ETV7: variants seen among roughly 807,000 people sequenced by gnomAD.
The protein encoded by ETV7 is ETS variant transcription factor 7.
ETV7 carries 43 observed loss-of-function variants against 39.1 expected under a neutral mutation model. The ratio of observed to expected loss-of-function variants is 1.10; its 90% CI spans 0.86 to 1.42. The LOEUF (loss-of-function observed/expected upper bound fraction) is 1.42. Ranked by LOEUF, ETV7 falls within the 40% of genes most tolerant of loss-of-function variation. The pLI is 0.00. For synonymous variants in ETV7, 196 were observed against 176.6 expected, an observed-to-expected ratio of 1.11 and a Z score of -0.87; for missense variants, 432 against 442.3, an observed-to-expected ratio of 0.98 and a Z score of 0.21.
intron 2 of ETV7, 66 bp downstream of exon 2, chr6:36,385,468 C>T: frequency 6.2e-7 from 1 of 1,600,414 alleles, no homozygotes; most frequent in East Asian, 2.2e-5. Flanking sequence ...AGAGCAAGAC[C>T]CTGGATCTAA....
At chr6:36,382,005 T>G (rs995953433) in intron 2 of ETV7, among the ~76,000 whole-genome samples, 3 of 152,200 alleles carry the variant, frequency 2.0e-5, no homozygotes, top group African/African-American at 7.2e-5. Context: ...TGCCAGGTGA[T>G]GTCACTGTCA....
chr6:36,372,771 G>A (rs1203258401), intron 4 of ETV7, among the ~76,000 whole-genome samples: 1 of 143,906 alleles, frequency 6.9e-6, no homozygotes, highest in African/African-American at 2.6e-5. Context: ...CCTACTAGAT[G>A]CCCCAGTGGA....
At chr6:36,378,739 G>C (rs971366857) in intron 2 of ETV7, among the ~76,000 whole-genome samples, 6 of 152,162 alleles carry the variant, frequency 3.9e-5, no homozygotes, top group Non-Finnish European at 8.8e-5. Context: ...GTGTGTTGCA[G>C]GATGTTTAGG....
chr6:36,374,680 C>T (rs1773219132), intron 3 of ETV7, among the ~76,000 whole-genome samples: 3 of 152,208 alleles, frequency 2.0e-5, no homozygotes, highest in Admixed American at 2.0e-4. Flanking sequence ...CTGCCCTCCC[C>T]TCACCTCCCA....
At chr6:36,383,593 G>A (rs1274725446) in intron 2 of ETV7, among the ~76,000 whole-genome samples, 1 of 152,200 alleles carries the variant, frequency 6.6e-6, no homozygotes, top group Non-Finnish European at 1.5e-5. Flanking sequence ...AGAGAGATGG[G>A]CAGAGATGGA....
chr6:36,373,144 A>G (rs1388209426), intron 4 of ETV7, among the ~76,000 whole-genome samples: 2 of 152,062 alleles, frequency 1.3e-5, no homozygotes, highest in Non-Finnish European at 2.9e-5. Flanking sequence ...TGGAATGGAC[A>G]TCCTTATTTT....
intron 3 of ETV7, 45 bp from the exon 4 acceptor site, chr6:36,373,623 TG>T: frequency 1.3e-6 from 2 of 1,502,550 alleles, no homozygotes; most frequent in Non-Finnish European, 8.9e-7. Flanking sequence ...ACAGGCCACG[TG>T]GGGAGGGCCA....
Position 36,366,282 on chromosome 6 carries a change from T to A in ETV7, c.*363A>T, listed in dbSNP as rs1299328778. 7 of 1,082,040 alleles carry A rather than the reference T, an allele frequency of 6.5e-6. No homozygotes were observed. Among genetic ancestry groups the A allele is most frequent in the Non-Finnish European group, 7.9e-6 (7 of 889,744 alleles). 67.0% of individuals were successfully genotyped at this position (1,082,040 alleles called of 1,614,324 possible). A position where few individuals can be genotyped will look rare whatever the true frequency, so the allele number is the denominator to read the frequency against. On this transcript the variant is annotated 3_prime_UTR_variant, in exon 8 of 8. Transcript: ENST00000340181. ...TTCCCATTTCCTGCCTCAGCCCATT[T>A]CACAGGTGAGGAAATCTGAGGCTCA...
chr6:36,366,945 A>T lies in ETV7; in HGVS notation c.838T>A (p.Ser280Thr). 6.2e-7 allele frequency: 1 copy of T among 1,613,916 alleles called. No homozygotes were observed. Among genetic ancestry groups the T allele is most frequent in the East Asian group, 2.2e-5 (1 of 44,862 alleles). Residue 280 changes from serine (S) to threonine (T), a missense_variant, in exon 7 of 8, where the codon TCT becomes ACT. By Grantham distance (58) the Ser-to-Thr change is moderately conservative. Coordinates refer to ENST00000340181, the MANE Select transcript of ETV7 (RefSeq NM_016135.4). ...TTATAATAGTGGCGCAGGGCACGAG[A>T]CATCTTCTCGTAGGTCATGTTCACC... is the stretch of plus-strand genomic sequence containing the variant. ...NRVNMTYEKMSRALRHYYKLN... is the reference protein window; with the variant it reads ...NRVNMTYEKMTRALRHYYKLN...
chr6:36,366,905 T>C lies in ETV7; in HGVS notation c.878A>G (p.Lys293Arg). ...LRHYYKLNII[K>R]KEPGQKLLFR... ...CAGGAGTTTCTGCCCCGGTTCCTTCTTAATGATATTAAGCTTATAATAGTG... is the reference window on the plus strand; with the variant it reads ...CAGGAGTTTCTGCCCCGGTTCCTTCCTAATGATATTAAGCTTATAATAGTG... Residue 293 changes from lysine to arginine, a missense_variant, in exon 7 of 8, where the codon AAG (lysine) becomes AGG (arginine). Coordinates refer to ENST00000340181, the MANE Select transcript of ETV7 (RefSeq NM_016135.4). The C allele has an allele frequency of 6.2e-7, 1 of 1,614,094 alleles. No individual in the cohort carries two copies. Among genetic ancestry groups the C allele is most frequent in the Non-Finnish European group, 8.5e-7 (1 of 1,180,010 alleles).
intron 7 of ETV7, among the ~76,000 whole-genome samples, chr6:36,360,599 G>A (rs948570629): frequency 1.3e-5 from 2 of 152,112 alleles, no homozygotes; most frequent in African/African-American, 4.8e-5. Flanking sequence ...CGTGAGAGAA[G>A]GCAGGCTTGC....
intron 2 of ETV7, among the ~76,000 whole-genome samples, chr6:36,377,038 G>A (rs886955911): frequency 2.0e-5 from 3 of 152,192 alleles, no homozygotes. Context: ...ACAAGTGGCT[G>A]CTTATTCTCC....
downstream of ETV7, among the ~76,000 whole-genome samples, chr6:36,363,008 T>C (rs185461964): frequency 6.0e-4 from 91 of 152,334 alleles, no homozygotes; most frequent in Middle Eastern, 6.8e-3. Context: ...GGCTGGGCCA[T>C]GTGATCTTGC....
intron 2 of ETV7, 106 bp from the exon 3 acceptor site, chr6:36,376,141 C>G: frequency 9.9e-7 from 1 of 1,010,416 alleles, no homozygotes; most frequent in Non-Finnish European, 1.4e-6. Flanking sequence ...TGGCCCCCAA[C>G]CCCCATCATC....
chr6:36,356,656 G>A (rs888795253), intron 7 of ETV7, among the ~76,000 whole-genome samples: 4 of 152,220 alleles, frequency 2.6e-5, no homozygotes, highest in Admixed American at 6.5e-5. Context: ...CTGTGGCCAC[G>A]GAAATGGGCT....
In ETV7 at chr6:36,366,861, C is replaced by T. The variant is rs765254948; in HGVS notation, c.908+14G>A. 3 of 1,613,832 alleles carry T rather than the reference C, an allele frequency of 1.9e-6. No homozygotes were observed. The highest frequency in any genetic ancestry group is 2.5e-6 in the Non-Finnish European group (3 of 1,179,748). The stretch of plus-strand genomic sequence containing the variant: ...TTCTGCTTCCCCTTTCACCACATCC[C>T]CTAGGCCACTCACCTGAACAGGAGT... On this transcript the variant is annotated intron_variant, in intron 7 of 7. Coordinates refer to ENST00000340181, the MANE Select transcript of ETV7 (RefSeq NM_016135.4).
rs1322706901 is a variant in ETV7 at position 36,359,611 on chromosome 6, A to G, written c.909-4924T>C. On this transcript the variant is annotated intron_variant, in intron 7 of 7. Transcript: ENST00000339796. ...AATTTGGCCCCTCTCACTTGATTCT[A>G]TTTTATTTTCCTTCATAGTACATAT... Among the ~76,000 whole-genome samples, 6 of 152,084 alleles carry G rather than the reference A, an allele frequency of 3.9e-5. No individual in the cohort carries two copies. In the East Asian group the frequency reaches 1.2e-3, roughly 29 times the overall value.
chr6:36,375,072 A>AG (rs1174985392), intron 3 of ETV7, among the ~76,000 whole-genome samples: 1 of 151,260 alleles, frequency 6.6e-6, no homozygotes, highest in Non-Finnish European at 1.5e-5. Context: ...CCATCTCAAA[A>AG]AAAAAAAAAA....
Position 36,385,660 on chromosome 6 carries a change from A to T in ETV7, c.16T>A (p.Leu6Met), listed in dbSNP as rs766102297. The stretch of plus-strand genomic sequence containing the variant: ...ACAGGGCTTATAGGAGAAATAGCCA[A>T]TTCTCCCTCCTAGAGAGAGAAAAAC... MQEGE[L>M]AISPISPVAA... The change falls in exon 2 of 8, where the codon TTG becomes ATG. Residue 6 changes from leucine to methionine, a missense_variant. By Grantham distance (15) the Leu-to-Met change is conservative. Transcript: ENST00000340181. 6.2e-7 allele frequency: 1 copy of T among 1,612,396 alleles called. No individual in the cohort carries two copies. The highest frequency in any genetic ancestry group is 1.3e-5 in the African/African-American group (1 of 74,818).
Sources: gnomAD v4.1 joint callset for allele counts (sites outside exome capture counted in the v4.1 genomes callset) on GRCh38, gnomAD v4.1.1 for gene constraint, MANE v1.5 for transcripts, NCBI Gene and HGNC (gene_info 2026-07-23, HGNC 2026-07-21) for gene names.